The following BLTP3B variants were observed in gnomAD, a reference collection of about 807,000 sequenced individuals.
The protein encoded by BLTP3B is UHRF1 (ICBP90) binding protein 1-like.
the BLTP3B span, among the ~76,000 whole-genome samples, chr12:100,134,440 T>C: frequency 6.6e-6 from 1 of 151,892 alleles, no homozygotes; most frequent in Non-Finnish European, 1.5e-5. Context: ...ACCTCATCTC[T>C]ACTAAAAATA....
chr12:100,117,239 A>G, the BLTP3B span, among the ~76,000 whole-genome samples: 1 of 152,220 alleles, frequency 6.6e-6, no homozygotes, highest in Non-Finnish European at 1.5e-5. Context: ...GAAAATGGGG[A>G]AAAGAATAAC....
the BLTP3B span, among the ~76,000 whole-genome samples, chr12:100,042,238 A>G: frequency 2.0e-5 from 3 of 152,218 alleles, no homozygotes; most frequent in Non-Finnish European, 4.4e-5. Context: ...TGTAGAAATT[A>G]TAAGTTGAGC....
the BLTP3B span, among the ~76,000 whole-genome samples, chr12:100,054,876 T>C: frequency 1.3e-5 from 2 of 152,194 alleles, no homozygotes; most frequent in Non-Finnish European, 2.9e-5. Flanking sequence ...AGATACCTTA[T>C]TTCTTTAAGC....
At chr12:100,132,055 G>C in the BLTP3B span, among the ~76,000 whole-genome samples, 2 of 152,156 alleles carry the variant, frequency 1.3e-5, no homozygotes, top group Non-Finnish European at 2.9e-5. Flanking sequence ...GCCTCCCAAA[G>C]TGCTGGGATT....
chr12:100,084,744 C>A, the BLTP3B span: 2 of 1,365,088 alleles, frequency 1.5e-6, no homozygotes, highest in South Asian at 1.5e-5. Flanking sequence ...GAGATTTAGT[C>A]GTTTATTCAA....
chr12:100,037,780 T>A, the BLTP3B span: 1 of 1,551,894 alleles, frequency 6.4e-7, no homozygotes, highest in South Asian at 1.2e-5. Flanking sequence ...GGCGGGGGGA[T>A]AAGATAATTT....
At chr12:100,142,506 GCGC>G in the BLTP3B span, 1 of 1,462,534 alleles carries the variant, frequency 6.8e-7, no homozygotes, top group South Asian at 1.2e-5. Context: ...CAGCCGCCAG[GCGC>G]CGCCGCCCCC....
the BLTP3B span, among the ~76,000 whole-genome samples, chr12:100,060,447 C>T: frequency 2.0e-5 from 3 of 152,216 alleles, no homozygotes; most frequent in East Asian, 1.9e-4. Flanking sequence ...AAGTGGTCCT[C>T]GATCACATAT....
chr12:100,126,096 T>C, the BLTP3B span, among the ~76,000 whole-genome samples: 1 of 152,184 alleles, frequency 6.6e-6, no homozygotes, highest in Non-Finnish European at 1.5e-5. Context: ...TAAGGCTATC[T>C]ATTAAAATAA....
chr12:100,130,016 T>C, the BLTP3B span, among the ~76,000 whole-genome samples: 1 of 152,226 alleles, frequency 6.6e-6, no homozygotes, highest in South Asian at 2.1e-4. Context: ...GAGTGCAGTG[T>C]GGCACGATCT....
chr12:100,141,891 A>T, the BLTP3B span, among the ~76,000 whole-genome samples: 1 of 152,160 alleles, frequency 6.6e-6, no homozygotes, highest in African/African-American at 2.4e-5. Flanking sequence ...TAACTCCCTG[A>T]ATTTTAGAGT....
chr12:100,140,294 G>A, the BLTP3B span, among the ~76,000 whole-genome samples: 1 of 151,282 alleles, frequency 6.6e-6, no homozygotes, highest in African/African-American at 2.4e-5. Flanking sequence ...AGTTAAGGAT[G>A]TTTTGAAATA....
the BLTP3B span, among the ~76,000 whole-genome samples, chr12:100,141,309 G>T: frequency 6.6e-6 from 1 of 151,728 alleles, no homozygotes; most frequent in Non-Finnish European, 1.5e-5. Flanking sequence ...GTGAAACCCA[G>T]TCTCTACTAA....
the BLTP3B span, among the ~76,000 whole-genome samples, chr12:100,080,440 C>A: frequency 2.6e-5 from 4 of 151,974 alleles, no homozygotes; most frequent in Non-Finnish European, 5.9e-5. Context: ...GTAAGCTCCG[C>A]CTCCTGGAAA....
chr12:100,060,041 G>C, the BLTP3B span: 1 of 1,574,966 alleles, frequency 6.3e-7, no homozygotes, highest in South Asian at 1.2e-5. Flanking sequence ...TTGGGAGATG[G>C]AACTGTGGAG....
chr12:100,060,342 A>G, the BLTP3B span, among the ~76,000 whole-genome samples: 2 of 152,172 alleles, frequency 1.3e-5, no homozygotes, highest in East Asian at 1.9e-4. Context: ...TAACTGCATA[A>G]AACAGGAAGC....
the BLTP3B span, among the ~76,000 whole-genome samples, chr12:100,139,151 G>T: frequency 1.3e-5 from 2 of 152,134 alleles, no homozygotes; most frequent in African/African-American, 4.8e-5. Flanking sequence ...GATTCTTCAA[G>T]TAGATAAACT....
At chr12:100,139,380 A>G in the BLTP3B span, among the ~76,000 whole-genome samples, 1 of 152,076 alleles carries the variant, frequency 6.6e-6, no homozygotes, top group Non-Finnish European at 1.5e-5. Context: ...CTATATTTCA[A>G]CCTCAAGGCT....
chr12:100,142,832 C>T, the BLTP3B span: 1 of 682,174 alleles, frequency 1.5e-6, no homozygotes, highest in South Asian at 2.0e-5. Context: ...CCGCCACGGC[C>T]GCCGCGGGCG....
Sources: allele counts gnomAD v4.1 joint callset (sites outside exome capture counted in the v4.1 genomes callset), GRCh38; gene constraint gnomAD v4.1.1; transcripts MANE v1.5; gene names NCBI Gene and HGNC (gene_info 2026-07-23, HGNC 2026-07-21).